Variants in PLCD4 observed in about 807,000 individuals in gnomAD.
PLCD4 encodes phospholipase C delta 4, also known as 1-phosphatidylinositol 4,5-bisphosphate phosphodiesterase delta-4.
A neutral mutation model predicts 90.2 loss-of-function variants in PLCD4; 63 were observed. The observed-to-expected ratio is 0.70, with a 90% CI of 0.57 to 0.86. PLCD4 has a LOEUF of 0.86. Among genes scored for constraint, PLCD4 ranks in the 40% least tolerant of loss-of-function variants. PLCD4 has a pLI of 0.00. For synonymous variants in PLCD4, 294 were observed against 356.5 expected, an observed-to-expected ratio of 0.82 and a Z score of 1.97; for missense variants, 830 against 956.3, an observed-to-expected ratio of 0.87 and a Z score of 1.74.
At chr2:218,633,888 C>G (rs1696543583) in intron 11 of PLCD4, 127 bp downstream of exon 11, 5 of 1,288,336 alleles carry the variant, frequency 3.9e-6, no homozygotes, top group Non-Finnish European at 5.4e-6. Context: ...TCAGAAACTC[C>G]TTAGAGCAGA....
At chr2:218,616,921 TATATATAGAGAG>T (rs1446663031) in intron 3 of PLCD4, among the ~76,000 whole-genome samples, 8 of 24,956 alleles carry the variant, frequency 3.2e-4, no homozygotes, top group African/African-American at 9.3e-4. Context: ...TATATATATA[TATATATAGAGAG>T]AGAGAGAGAG....
intron 4 of PLCD4, among the ~76,000 whole-genome samples, chr2:218,619,121 G>A (rs1695759949): frequency 1.3e-5 from 2 of 152,124 alleles, no homozygotes; most frequent in South Asian, 4.2e-4. Flanking sequence ...TAACCAGCAT[G>A]TAGGTGGGAA....
rs781002146 is a variant in PLCD4 at position 218,629,628 on chromosome 2, G to C, written c.1084G>C (p.Asp362His). ...CCTGACCTCCCGCATCCTGTTCAAA[G>C]ATGTCGTGGCCACAGTAGCACAGTA... ...HTLTSRILFK[D>H]VVATVAQYAF... The change falls in exon 8 of 16, where the codon GAT becomes CAT. Residue 362 changes from aspartate (D) to histidine (H), a missense_variant. Coordinates refer to ENST00000450993, the MANE Select transcript of PLCD4 (RefSeq NM_032726.4). The C allele has an allele frequency of 5.0e-6, 8 of 1,613,682 alleles. No individual in the cohort carries two copies. In the East Asian group the frequency reaches 1.8e-4, roughly 36 times the overall value.
intron 1 of PLCD4, among the ~76,000 whole-genome samples, chr2:218,613,353 T>C (rs906762528): frequency 1.4e-5 from 2 of 138,028 alleles, no homozygotes; most frequent in African/African-American, 2.7e-5. Flanking sequence ...ATTGTGCCAT[T>C]GCACTCCAGC....
chr2:218,629,534 G>T lies in PLCD4; in HGVS notation c.990G>T (p.Gly330=), dbSNP rs1301541481. 3.1e-6 allele frequency: 5 copies of T among 1,613,598 alleles called. No homozygotes were observed. In the African/African-American group the frequency reaches 5.3e-5, roughly 17 times the overall value. The stretch of plus-strand genomic sequence containing the variant: ...GTTCTTTCAGGGCCCTGAAGCGGGG[G>T]TGCCGCTGCGTGGAGGTGGATGTAT... ...VEGYIRALKR[G]CRCVEVDVWD... is the part of the protein sequence containing the mutation. The change falls in exon 8 of 16, where the codon GGG becomes GGT. Residue 330 remains glycine, a synonymous_variant. Transcript: ENST00000450993.
chr2:218,632,117 C>T lies in PLCD4; in HGVS notation c.1273-19C>T. ...CAAGAGCAGACAGGTAGACAGGCCC[C>T]TTCATTTTTGTCCCCTAGGAGCTTC... On this transcript the variant is annotated intron_variant, in intron 9 of 15. Coordinates refer to ENST00000450993, the MANE Select transcript of PLCD4 (RefSeq NM_032726.4). 1 of 1,588,728 alleles carries T rather than the reference C, an allele frequency of 6.3e-7. No homozygotes were observed.
chr2:218,630,334 C>T (rs1696306839), intron 8 of PLCD4, among the ~76,000 whole-genome samples: 1 of 152,134 alleles, frequency 6.6e-6, no homozygotes, highest in Non-Finnish European at 1.5e-5. Flanking sequence ...GAACACATAA[C>T]CAGGGAATGT....
chr2:218,625,125 AAAAAAAAG>A (rs1311124809), intron 6 of PLCD4, among the ~76,000 whole-genome samples: 10 of 150,150 alleles, frequency 6.7e-5, no homozygotes, highest in Non-Finnish European at 1.3e-4. Flanking sequence ...AAAAAAAAAA[AAAAAAAAG>A]AAAGAAAGAA....
rs772006157 is a variant in PLCD4, at chr2:218,616,031, A to G, written c.150A>G (p.Ala50=). The G allele has an allele frequency of 1.9e-6, 3 of 1,613,978 alleles. No homozygotes were observed. Among genetic ancestry groups the G allele is most frequent in the Non-Finnish European group, 2.5e-6 (3 of 1,179,896 alleles). Residue 50 remains alanine, a synonymous_variant, in exon 3 of 16, where the codon GCA becomes GCG. Transcript: ENST00000450993. The part of the protein sequence containing the change: ...LQNDGMTVWH[A]RQARGSAKPS... ...ATGACGGCATGACAGTCTGGCATGC[A>G]CGGCAGGCCAGGGGCAGTGCCAAGC...
chr2:218,625,203 ACT>A (rs1340543356), intron 6 of PLCD4, among the ~76,000 whole-genome samples: 1 of 150,246 alleles, frequency 6.7e-6, no homozygotes, highest in African/African-American at 2.4e-5. Flanking sequence ...TCAGTCCAAG[ACT>A]CTGTTTCAAA....
intron 8 of PLCD4, among the ~76,000 whole-genome samples, chr2:218,630,034 G>A (rs1696291181): frequency 6.6e-6 from 1 of 152,038 alleles, no homozygotes; most frequent in Non-Finnish European, 1.5e-5. Flanking sequence ...AAAATTAGCT[G>A]GGCGTGGTAG....
Position 218,634,175 on chromosome 2 carries a change from T to G in PLCD4, c.1677T>G (p.Ser559=). Residue 559 remains serine, a synonymous_variant, in exon 12 of 16, where the codon TCT becomes TCG. Coordinates refer to ENST00000450993, the MANE Select transcript of PLCD4 (RefSeq NM_032726.4). The surrounding 1 kb of genome is among the most constrained non-coding windows in gnomAD (Gnocchi z 4.0). ...RVYPSGLRTD[S]SNYNPQELWN... ...ATCCCAGCGGCCTGAGGACAGACTC[T>G]TCCAACTACAACCCCCAGGAACTCT... The G allele has an allele frequency of 6.2e-7, 1 of 1,612,446 alleles. No homozygotes were observed. The highest frequency in any genetic ancestry group is 8.5e-7 in the Non-Finnish European group (1 of 1,179,266).
chr2:218,630,600 T>C, intron 8 of PLCD4, 50 bp from the exon 9 acceptor site: 3 of 1,610,276 alleles, frequency 1.9e-6, no homozygotes, highest in Non-Finnish European at 2.5e-6. Flanking sequence ...AAGAAGTAGG[T>C]TGCAGTGTTT....
chr2:218,630,989 T>C (rs1259367084), intron 9 of PLCD4, among the ~76,000 whole-genome samples, 187 bp downstream of exon 9: 1 of 152,240 alleles, frequency 6.6e-6, no homozygotes, highest in Non-Finnish European at 1.5e-5. Flanking sequence ...CACAGAATTC[T>C]ATTTATAGCT....
In PLCD4 at chr2:218,635,856, C is replaced by A; in HGVS notation, c.1957C>A (p.Pro653Thr). 1 of 1,613,950 alleles carries A rather than the reference C, an allele frequency of 6.2e-7. No individual in the cohort carries two copies. The highest frequency in any genetic ancestry group is 8.5e-7 in the Non-Finnish European group (1 of 1,179,884). ...DKTKEGSIVDPLVKVQIFGVR... is the reference protein window; with the variant it reads ...DKTKEGSIVDTLVKVQIFGVR... Reference sequence around the variant, plus strand: ...GACCAAAGAGGGGTCCATTGTGGATCCACTGGTGAAAGTGCAGATCTTTGG... The same window carrying A: ...GACCAAAGAGGGGTCCATTGTGGATACACTGGTGAAAGTGCAGATCTTTGG... The change falls in exon 14 of 16, where the codon CCA becomes ACA. Residue 653 changes from proline (P) to threonine (T), a missense_variant. Coordinates refer to ENST00000450993, the MANE Select transcript of PLCD4 (RefSeq NM_032726.4).
chr2:218,632,812 G>A (rs1401973952), intron 10 of PLCD4, among the ~76,000 whole-genome samples: 1 of 152,112 alleles, frequency 6.6e-6, no homozygotes, highest in Non-Finnish European at 1.5e-5. Flanking sequence ...GTTTTAGGAA[G>A]GGCCAGCAGT....
chr2:218,628,126 G>T lies in PLCD4; in HGVS notation c.870G>T (p.Gln290His). 6.2e-7 allele frequency: 1 copy of T among 1,614,004 alleles called. No individual in the cohort carries two copies. Among genetic ancestry groups the T allele is most frequent in the Non-Finnish European group, 8.5e-7 (1 of 1,179,866 alleles). ...ACCCAGCCTGCCTCCCCATCTATCA[G>T]GATATGACTCAACCCCTGAACCACT... ...IFNPACLPIY[Q>H]DMTQPLNHYF... Residue 290 changes from glutamine (Q) to histidine (H), a missense_variant, in exon 7 of 16, where the codon CAG (glutamine) becomes CAT (histidine). Gln to His is a conservative substitution (Grantham distance 24). Transcript: ENST00000450993.
chr2:218,618,997 A>T (rs962048184), intron 4 of PLCD4, 190 bp downstream of exon 4: 2 of 599,616 alleles, frequency 3.3e-6, no homozygotes, highest in East Asian at 2.8e-5. Context: ...GATGCCAAGG[A>T]TCACATAGCC....
At chr2:218,614,001 C>G (rs1695463143) in intron 1 of PLCD4, among the ~76,000 whole-genome samples, 1 of 151,268 alleles carries the variant, frequency 6.6e-6, no homozygotes, top group African/African-American at 2.4e-5. Context: ...CAGCATATAT[C>G]TTTTCTTCTT....
Sources: gnomAD v4.1 joint callset for allele counts (sites outside exome capture counted in the v4.1 genomes callset) on GRCh38, gnomAD v4.1.1 for gene constraint, Gnocchi (gnomAD v3.1) non-coding constraint, MANE v1.5 for transcripts, NCBI Gene and HGNC (gene_info 2026-07-23, HGNC 2026-07-21) for gene names.